Variants in KLHL1 observed in about 807,000 individuals in gnomAD.
KLHL1 encodes kelch-like protein 1.
KLHL1 carries 47 observed loss-of-function variants against 77.7 expected under a neutral mutation model. That is an observed-to-expected ratio of 0.60 (90% CI 0.48 to 0.77). The LOEUF is 0.77. Ranked by LOEUF, KLHL1 falls within the 30% of genes least tolerant of loss-of-function variation. The pLI, the probability that KLHL1 is intolerant of heterozygous loss-of-function variation, is 0.00. For missense variants in KLHL1, 925 were observed against 910.8 expected (o/e 1.02, Z -0.20); for synonymous variants, 360 against 325.2 (o/e 1.11, Z -1.15).
At chr13:69,855,357 T>TAG (rs1566329811) in intron 5 of KLHL1, among the ~76,000 whole-genome samples, 8,415 of 145,774 alleles carry the variant, frequency 0.058, 358 homozygotes, top group Non-Finnish European at 0.075. Context: ...GACAGACAGA[T>TAG]AGATACATAG....
intron 6 of KLHL1, among the ~76,000 whole-genome samples, chr13:69,799,122 C>T (rs1257115498): frequency 6.6e-6 from 1 of 151,212 alleles, no homozygotes. Context: ...ACACAGATAT[C>T]TGTCTCTTGT....
At chr13:69,901,229 GA>G (rs910567169) in intron 4 of KLHL1, among the ~76,000 whole-genome samples, 1 of 151,706 alleles carries the variant, frequency 6.6e-6, no homozygotes, top group Non-Finnish European at 1.5e-5. Context: ...TGTGAAAACA[GA>G]AAAAAAATGA....
At chr13:69,848,269 T>C (rs1879549141) in intron 5 of KLHL1, among the ~76,000 whole-genome samples, 1 of 151,528 alleles carries the variant, frequency 6.6e-6, no homozygotes, top group Admixed American at 6.6e-5. Flanking sequence ...GACAGTTTGT[T>C]CACCAAAGCT....
At chr13:70,084,348 C>G (rs1157638932) in intron 1 of KLHL1, among the ~76,000 whole-genome samples, 1 of 151,988 alleles carries the variant, frequency 6.6e-6, no homozygotes, top group Non-Finnish European at 1.5e-5. Flanking sequence ...TAATCTGATC[C>G]TTTTCGAGTT....
chr13:70,073,819 C>A (rs909904744), intron 1 of KLHL1, among the ~76,000 whole-genome samples: 2 of 147,438 alleles, frequency 1.4e-5, no homozygotes, highest in Non-Finnish European at 3.0e-5. Context: ...TGCAGGAGAG[C>A]AAACATAATT....
At chr13:69,928,454 C>T (rs1320692723) in intron 4 of KLHL1, among the ~76,000 whole-genome samples, 1 of 152,192 alleles carries the variant, frequency 6.6e-6, no homozygotes, top group East Asian at 1.9e-4. Context: ...TTGCCATGGG[C>T]ATTGGGCTAC....
rs773241910 is a variant in KLHL1 at position 69,707,639 on chromosome 13, T to C, written c.2173A>G (p.Asn725Asp). ...GACAATCTTACCTGTGTCCACTCAT[T>C]AGTTTGTGGGTCATAGGATTCCATA... ...NTMESYDPQT[N>D]EWTQMASLNI... Residue 725 changes from asparagine to aspartate, a missense_variant, in exon 10 of 11, where the codon AAT becomes GAT. By Grantham distance (23) the Asn-to-Asp change is conservative. Transcript: ENST00000377844. 9.9e-6 allele frequency: 16 copies of C among 1,611,366 alleles called. No homozygotes were observed. The highest frequency in any genetic ancestry group is 1.2e-5 in the Non-Finnish European group (14 of 1,178,378).
chr13:69,953,545 C>T (rs1323884403), intron 3 of KLHL1, among the ~76,000 whole-genome samples: 2 of 151,046 alleles, frequency 1.3e-5, no homozygotes, highest in African/African-American at 2.4e-5. Context: ...ATTTCTGTAT[C>T]TGACAATATG....
intron 5 of KLHL1, among the ~76,000 whole-genome samples, chr13:69,858,580 G>C (rs1415484650): frequency 6.6e-6 from 1 of 152,000 alleles, no homozygotes; most frequent in East Asian, 1.9e-4. Context: ...CCCATGATTT[G>C]AGAGGCATAG....
chr13:69,999,745 A>G (rs544032505), intron 1 of KLHL1, among the ~76,000 whole-genome samples: 7 of 152,182 alleles, frequency 4.6e-5, no homozygotes, highest in Admixed American at 1.3e-4. Flanking sequence ...GGCTCACCCT[A>G]GCAGGTAAGC....
chr13:70,073,262 C>T (rs906668382), intron 1 of KLHL1, among the ~76,000 whole-genome samples: 3 of 152,036 alleles, frequency 2.0e-5, no homozygotes, highest in African/African-American at 7.3e-5. Flanking sequence ...TTTGTAGGGA[C>T]ATGGATGAAA....
At chr13:69,777,088 T>C (rs1025694398) in intron 7 of KLHL1, among the ~76,000 whole-genome samples, 9 of 152,076 alleles carry the variant, frequency 5.9e-5, no homozygotes, top group African/African-American at 1.9e-4. Context: ...GTTCTCATGA[T>C]AGTAAGTCAC....
chr13:69,700,935 T>C lies in KLHL1; in HGVS notation c.*767A>G, dbSNP rs1043061460. 6.6e-6 allele frequency: 1 copy of C among 152,348 alleles called. No homozygotes were observed. Among genetic ancestry groups the C allele is most frequent in the African/African-American group, 2.4e-5 (1 of 41,448 alleles). The allele number at this position is 152,348 out of a possible 1,614,324, so 9.4% of individuals were successfully genotyped here. On this transcript the variant is annotated 3_prime_UTR_variant, in exon 11 of 11. Transcript: ENST00000377844. ...TTCCATGCTTACACTGAACTCAACA[T>C]AAGGCAAAAGCCCAATAATTACACT...
chr13:70,101,311 A>G (rs766080310), intron 1 of KLHL1, among the ~76,000 whole-genome samples: 1 of 152,048 alleles, frequency 6.6e-6, no homozygotes, highest in Non-Finnish European at 1.5e-5. Flanking sequence ...AAAAATTCCT[A>G]TTGCATCTTG....
intron 1 of KLHL1, among the ~76,000 whole-genome samples, chr13:70,065,517 G>A (rs1886986814): frequency 6.6e-6 from 1 of 152,138 alleles, no homozygotes; most frequent in African/African-American, 2.4e-5. Context: ...TACAATCAGT[G>A]ACAAGAAAAC....
chr13:69,759,759 T>A (rs1222517388), intron 7 of KLHL1, among the ~76,000 whole-genome samples: 1 of 152,172 alleles, frequency 6.6e-6, no homozygotes, highest in Non-Finnish European at 1.5e-5. Flanking sequence ...AAAATTTATA[T>A]CTCAAAACCT....
intron 5 of KLHL1, among the ~76,000 whole-genome samples, chr13:69,881,205 A>G (rs576986973): frequency 1.3e-5 from 2 of 152,260 alleles, no homozygotes; most frequent in South Asian, 4.1e-4. Flanking sequence ...ATATATAATT[A>G]TCACTTATTT....
intron 7 of KLHL1, among the ~76,000 whole-genome samples, chr13:69,770,015 T>C (rs1282768033): frequency 6.6e-6 from 1 of 152,098 alleles, no homozygotes; most frequent in Non-Finnish European, 1.5e-5. Flanking sequence ...GCCAGAGCTG[T>C]GACATGCCCT....
At chr13:70,031,943 G>T (rs1298193605) in intron 1 of KLHL1, among the ~76,000 whole-genome samples, 1 of 152,166 alleles carries the variant, frequency 6.6e-6, no homozygotes, top group Non-Finnish European at 1.5e-5. Flanking sequence ...TCCAGGGAGA[G>T]AAAGATGTGT....
Sources: allele counts gnomAD v4.1 joint callset (sites outside exome capture counted in the v4.1 genomes callset), GRCh38; gene constraint gnomAD v4.1.1; transcripts MANE v1.5; gene names NCBI Gene and HGNC (gene_info 2026-07-23, HGNC 2026-07-21).